The following RHOBTB2 variants were observed in gnomAD, a reference collection of about 807,000 sequenced individuals.
RHOBTB2 encodes Rho related BTB domain containing 2.
RHOBTB2 carries 39 observed loss-of-function variants against 66.5 expected under a neutral mutation model. That is an observed-to-expected ratio of 0.59 (90% CI 0.45 to 0.77). The LOEUF (loss-of-function observed/expected upper bound fraction) is 0.77. Ranked by LOEUF, RHOBTB2 falls within the 30% of genes least tolerant of loss-of-function variation. The pLI is 0.00. For missense variants in RHOBTB2, 755 were observed against 999.1 expected (o/e 0.76, Z 3.29); for synonymous variants, 390 against 395.0 (o/e 0.99, Z 0.15).
In RHOBTB2 at chr8:23,019,183, C is replaced by T. The variant is rs568430726; in HGVS notation, c.*1714C>T. Reference sequence around the variant, plus strand: ...GGCCCTGGGGTGGGCTCCAGGAAAACGCTGGTTAGGCCTGGGATTGAGCTA... The same window carrying T: ...GGCCCTGGGGTGGGCTCCAGGAAAATGCTGGTTAGGCCTGGGATTGAGCTA... On this transcript the variant is annotated 3_prime_UTR_variant, in exon 10 of 10. Transcript: ENST00000251822. The T allele has an allele frequency of 1.3e-5, 2 of 152,664 alleles. No homozygotes were observed. Among genetic ancestry groups the T allele is most frequent in the African/African-American group, 4.8e-5 (2 of 41,548 alleles). 9.5% of individuals were successfully genotyped at this position (152,664 alleles called of 1,614,324 possible).
Position 22,999,617 on chromosome 8 carries a change from C to A in RHOBTB2, c.-499C>A. On this transcript the variant is annotated 5_prime_UTR_variant, in exon 1 of 10. Coordinates refer to ENST00000251822, the MANE Select transcript of RHOBTB2 (RefSeq NM_015178.3). Reference sequence around the variant, plus strand: ...CCTTTTTTTACCCTCCCGTTTTTTTCTTTTCTTTTTTTTTTCCCTATCCTT... The same window carrying A: ...CCTTTTTTTACCCTCCCGTTTTTTTATTTTCTTTTTTTTTTCCCTATCCTT... 8.2e-7 allele frequency: 1 copy of A among 1,221,808 alleles called. No individual in the cohort carries two copies. Among genetic ancestry groups the A allele is most frequent in the Non-Finnish European group, 1.0e-6 (1 of 959,258 alleles). 75.7% of individuals were successfully genotyped at this position (1,221,808 alleles called of 1,614,324 possible). A position where few individuals can be genotyped will look rare whatever the true frequency, so the allele number is the denominator to read the frequency against.
chr8:22,963,056 T>C, the RHOBTB2 span, among the ~76,000 whole-genome samples: 1 of 152,124 alleles, frequency 6.6e-6, no homozygotes, highest in African/African-American at 2.4e-5. Context: ...CCTGGGCCCA[T>C]TGCCCACTAG....
chr8:22,985,653 G>A (rs1810274028), upstream of RHOBTB2, among the ~76,000 whole-genome samples: 1 of 152,194 alleles, frequency 6.6e-6, no homozygotes. Context: ...CAGGGAGGAA[G>A]GTGCGATGGA....
chr8:22,995,774 C>T, upstream of RHOBTB2: 2 of 1,420,964 alleles, frequency 1.4e-6, no homozygotes, highest in Non-Finnish European at 9.7e-7. Context: ...ACCACGTGCC[C>T]CAGCCTGCAC....
the RHOBTB2 span, among the ~76,000 whole-genome samples, chr8:22,968,086 G>A: frequency 1.8e-4 from 28 of 151,812 alleles, no homozygotes; most frequent in Non-Finnish European, 3.4e-4. Context: ...ATCCTGGAAG[G>A]CTGAGTTGCA....
the RHOBTB2 span, among the ~76,000 whole-genome samples, chr8:22,951,896 T>C: frequency 5.6e-4 from 85 of 152,248 alleles, 2 homozygotes; most frequent in Admixed American, 6.5e-4. Context: ...AATTTTTGTG[T>C]TTTTAGTAGA....
rs1300209384 is a variant in RHOBTB2 at position 22,999,874 on chromosome 8, G to A, written c.-242G>A. 3.0e-6 allele frequency: 3 copies of A among 985,032 alleles called. No individual in the cohort carries two copies. The highest frequency in any genetic ancestry group is 1.7e-5 in the African/African-American group (1 of 57,316). 61.0% of individuals were successfully genotyped at this position (985,032 alleles called of 1,614,324 possible). On this transcript the variant is annotated 5_prime_UTR_variant, in exon 1 of 10. It adds an upstream start codon to the 5' untranslated region. Transcript: ENST00000251822. The stretch of plus-strand genomic sequence containing the variant: ...TGATCCGGAAGGGGCAGCGGCTGCA[G>A]TGCAGCGCGCGCGTCCGCTCCTGGG...
upstream of RHOBTB2, among the ~76,000 whole-genome samples, chr8:22,997,997 A>G (rs148801841): frequency 7.9e-3 from 1,209 of 152,326 alleles, 12 homozygotes; most frequent in Non-Finnish European, 0.012. Flanking sequence ...ATGGAGGGTG[A>G]GTTCTAACCA....
At chr8:23,003,728 CGA>C (rs1201302548) in intron 1 of RHOBTB2, among the ~76,000 whole-genome samples, 1 of 152,198 alleles carries the variant, frequency 6.6e-6, no homozygotes, top group African/African-American at 2.4e-5. Context: ...GGACAGACCC[CGA>C]ATAGAGAAAG....
chr8:23,010,432 G>C (rs543063061), intron 6 of RHOBTB2, 106 bp from the exon 7 acceptor site: 58 of 1,312,808 alleles, frequency 4.4e-5, no homozygotes, highest in Middle Eastern at 1.9e-4. Context: ...CTGCCCGTCT[G>C]GGGGAGCCTG....
At chr8:22,962,856 G>T in the RHOBTB2 span, among the ~76,000 whole-genome samples, 1 of 152,176 alleles carries the variant, frequency 6.6e-6, no homozygotes, top group Non-Finnish European at 1.5e-5. Context: ...AGCCTCGGAG[G>T]ACAAAGAACA....
chr8:22,964,008 C>A, the RHOBTB2 span, among the ~76,000 whole-genome samples: 2 of 152,062 alleles, frequency 1.3e-5, no homozygotes, highest in South Asian at 4.1e-4. Flanking sequence ...CTCAGACTGC[C>A]GACCTCAGGT....
chr8:22,957,665 G>T, the RHOBTB2 span, among the ~76,000 whole-genome samples: 1 of 152,200 alleles, frequency 6.6e-6, no homozygotes, highest in Non-Finnish European at 1.5e-5. Flanking sequence ...CAGGGCACAG[G>T]GGGAAGGTTT....
Position 22,999,775 on chromosome 8 carries a change from GCGC to G in RHOBTB2, c.-336_-334del. 1 of 985,960 alleles carries G rather than the reference GCGC, an allele frequency of 1.0e-6. No homozygotes were observed. Among genetic ancestry groups the G allele is most frequent in the Non-Finnish European group, 1.2e-6 (1 of 832,050 alleles). 61.1% of individuals were successfully genotyped at this position (985,960 alleles called of 1,614,324 possible). ...CTCGCCCCTCTCCCGGCGCCCCTGC[GCGC>G]CGCCCGCTGCCTCCGCAGCCCGGCT... On this transcript the variant is annotated 5_prime_UTR_variant, in exon 1 of 10. Coordinates refer to ENST00000251822, the MANE Select transcript of RHOBTB2 (RefSeq NM_015178.3).
upstream of RHOBTB2, among the ~76,000 whole-genome samples, chr8:22,995,175 C>T (rs1187554883): frequency 6.6e-6 from 1 of 152,188 alleles, no homozygotes; most frequent in African/African-American, 2.4e-5. Flanking sequence ...TCAAGCTATT[C>T]TCTCAGCTCG....
upstream of RHOBTB2, chr8:22,995,763 C>A (rs1585182328): frequency 3.0e-6 from 4 of 1,314,364 alleles, no homozygotes; most frequent in Admixed American, 2.0e-5. Context: ...AGGGTAGGAA[C>A]ACCACGTGCC....
At position 23,018,553 on chromosome 8, in the gene RHOBTB2, G is replaced by C. The variant is rs923834736; in HGVS notation, c.*1084G>C. ...TCAGGAAAGGACTCGGCACTTCTCT[G>C]ACTGCGGAGGCCCTGACCCTGCCAG... On this transcript the variant is annotated 3_prime_UTR_variant, in exon 10 of 10. Transcript: ENST00000251822. 1 of 152,286 alleles carries C rather than the reference G, an allele frequency of 6.6e-6. No homozygotes were observed. Among genetic ancestry groups the C allele is most frequent in the African/African-American group, 2.4e-5 (1 of 41,446 alleles). 9.4% of individuals were successfully genotyped at this position (152,286 alleles called of 1,614,324 possible). A position where few individuals can be genotyped will look rare whatever the true frequency, so the allele number is the denominator to read the frequency against.
chr8:22,985,702 A>C (rs1459930079), upstream of RHOBTB2, among the ~76,000 whole-genome samples: 1 of 152,204 alleles, frequency 6.6e-6, no homozygotes, highest in Non-Finnish European at 1.5e-5. Flanking sequence ...CCTATAGAAC[A>C]TTCCCAGCCA....
chr8:22,995,053 A>G (rs1474387749), upstream of RHOBTB2, among the ~76,000 whole-genome samples: 1 of 152,254 alleles, frequency 6.6e-6, no homozygotes, highest in Non-Finnish European at 1.5e-5. Flanking sequence ...GGCATGAGCC[A>G]CCGCGCCAGG....
Sources: gnomAD v4.1 joint callset for allele counts (sites outside exome capture counted in the v4.1 genomes callset) on GRCh38, gnomAD v4.1.1 for gene constraint, MANE v1.5 for transcripts, NCBI Gene and HGNC (gene_info 2026-07-23, HGNC 2026-07-21) for gene names.